Variants in ZNF623 observed in about 807,000 individuals in gnomAD.
ZNF623 encodes the protein zinc finger protein 623.
ZNF623 carries 16 observed loss-of-function variants against 24.0 expected under a neutral mutation model. That is an observed-to-expected ratio of 0.67 (90% CI 0.45 to 1.01). ZNF623 has a LOEUF of 1.01. Ranked by LOEUF, ZNF623 falls within the 50% of genes least tolerant of loss-of-function variation. ZNF623 has a pLI of 0.00. For missense variants in ZNF623, 566 were observed against 606.5 expected, an observed-to-expected ratio of 0.93 and a Z score of 0.70; for synonymous variants, 224 against 219.8, an observed-to-expected ratio of 1.02 and a Z score of -0.17.
At chr8:143,648,699 G>C (rs1815226076) in intron 1 of ZNF623, among the ~76,000 whole-genome samples, 2 of 152,188 alleles carry the variant, frequency 1.3e-5, no homozygotes, top group South Asian at 4.1e-4. Context: ...AAGTGGAAGT[G>C]TTGCCTTTAA....
chr8:143,649,805 C>T (rs1007285286), intron 1 of ZNF623, 93 bp from the exon 2 acceptor site: 9 of 1,494,178 alleles, frequency 6.0e-6, no homozygotes, highest in Middle Eastern at 2.0e-4. Flanking sequence ...AAACACTTTC[C>T]ACCTCTTGGA....
chr8:143,646,366 A>G (rs1180598523), intron 1 of ZNF623, among the ~76,000 whole-genome samples: 1 of 152,146 alleles, frequency 6.6e-6, no homozygotes, highest in African/African-American at 2.4e-5. Context: ...TGAGTGTATT[A>G]TGTATGCATG....
At chr8:143,646,282 GTCC>G (rs1815174187) in intron 1 of ZNF623, among the ~76,000 whole-genome samples, 2 of 152,118 alleles carry the variant, frequency 1.3e-5, no homozygotes, top group South Asian at 4.1e-4. Context: ...GCCTCAAGTA[GTCC>G]TCCTGCTTTG....
chr8:143,648,083 AG>A, intron 1 of ZNF623, among the ~76,000 whole-genome samples: 2 of 152,320 alleles, frequency 1.3e-5, no homozygotes, highest in Middle Eastern at 3.4e-3. Context: ...GGAGCTGGTC[AG>A]GTGTTGGGGC....
chr8:143,644,145 C>T (rs1021008493), intron 1 of ZNF623, among the ~76,000 whole-genome samples: 10 of 152,248 alleles, frequency 6.6e-5, no homozygotes, highest in South Asian at 2.1e-4. Flanking sequence ...CTCAGCCTCC[C>T]GAGTAGCTGG....
intron 1 of ZNF623, among the ~76,000 whole-genome samples, chr8:143,639,097 G>T (rs1401224646): frequency 5.3e-5 from 8 of 152,070 alleles, no homozygotes; most frequent in South Asian, 2.1e-4. Context: ...TTACCATGTT[G>T]GCCAGGCTGG....
intron 1 of ZNF623, among the ~76,000 whole-genome samples, chr8:143,644,704 A>G (rs2131446284): frequency 6.6e-6 from 1 of 151,880 alleles, no homozygotes; most frequent in Middle Eastern, 3.4e-3. Flanking sequence ...AGCCTGGCCA[A>G]TATGGAGAAG....
rs2131434716 is a variant in ZNF623 at position 143,636,146 on chromosome 8, G to A, written c.-96+1G>A. On this transcript the variant is annotated splice_donor_variant, in intron 1 of 1. Coordinates refer to ENST00000526926, the MANE Select transcript of ZNF623 (RefSeq NM_001261843.2). LOFTEE classifies it low-confidence loss of function (5UTR_SPLICE). ...GCCGTCCTCTCCCCGCCCGCGCCGGGTGAGTGGCGCGTTCCGGACGGGGGC... is the reference window on the plus strand; with the variant it reads ...GCCGTCCTCTCCCCGCCCGCGCCGGATGAGTGGCGCGTTCCGGACGGGGGC... 6.6e-6 allele frequency: 1 copy of A among 152,218 alleles called. No homozygotes were observed. Among genetic ancestry groups the A allele is most frequent in the South Asian group, 2.1e-4 (1 of 4,832 alleles). The allele number at this position is 152,218 out of a possible 1,614,324, so 9.4% of individuals were successfully genotyped here.
Position 143,651,955 on chromosome 8 carries a change from G to A in ZNF623, c.*472G>A, listed in dbSNP as rs1220058246. The A allele has an allele frequency of 5.9e-6, 1 of 169,612 alleles. No homozygotes were observed. The highest frequency in any genetic ancestry group is 1.4e-5 in the Non-Finnish European group (1 of 69,850). 10.5% of individuals were successfully genotyped at this position (169,612 alleles called of 1,614,324 possible). ...GGAGGAACTCCAGGCCTCCCATCGT[G>A]TGCCCTAAGGCCTCCTGCGTCCTGG... On this transcript the variant is annotated 3_prime_UTR_variant, in exon 2 of 2. Coordinates refer to ENST00000526926, the MANE Select transcript of ZNF623 (RefSeq NM_001261843.2).
intron 1 of ZNF623, among the ~76,000 whole-genome samples, chr8:143,649,290 AC>A (rs1815240447): frequency 9.6e-5 from 14 of 146,392 alleles, no homozygotes; most frequent in Middle Eastern, 3.4e-3. Flanking sequence ...AAAAAAAAAA[AC>A]AAAAACAAAC....
At chr8:143,649,774 G>T in intron 1 of ZNF623, 124 bp from the exon 2 acceptor site, 1 of 1,236,720 alleles carries the variant, frequency 8.1e-7, no homozygotes, top group East Asian at 2.5e-5. Context: ...CAGCATGTTG[G>T]GTCAGGATGA....
chr8:143,648,490 G>A (rs979936634), intron 1 of ZNF623, among the ~76,000 whole-genome samples: 8 of 152,046 alleles, frequency 5.3e-5, no homozygotes, highest in Admixed American at 6.5e-5. Context: ...ATGGGGCTGC[G>A]GAGGAGGAGA....
Position 143,653,477 on chromosome 8 carries a change from T to A in ZNF623, c.*1994T>A, listed in dbSNP as rs966036870. ...ACGCCTATTTAAGTGTACAAGGTTT[T>A]GAAAAATCTATACACCTGTGTAACC... On this transcript the variant is annotated 3_prime_UTR_variant, in exon 2 of 2. Coordinates refer to ENST00000526926, the MANE Select transcript of ZNF623 (RefSeq NM_001261843.2). The A allele has an allele frequency of 6.0e-6, 1 of 167,102 alleles. No homozygotes were observed. The highest frequency in any genetic ancestry group is 1.5e-5 in the Non-Finnish European group (1 of 68,126). 10.4% of individuals were successfully genotyped at this position (167,102 alleles called of 1,614,324 possible). A position where few individuals can be genotyped will look rare whatever the true frequency, so the allele number is the denominator to read the frequency against.
chr8:143,647,156 T>TG (rs1396924795), intron 1 of ZNF623, among the ~76,000 whole-genome samples: 7 of 137,136 alleles, frequency 5.1e-5, no homozygotes, highest in South Asian at 2.3e-4. Context: ...TGTTTTTTTT[T>TG]TTTTTGTTTT....
chr8:143,640,042 C>CA (rs1256105890), intron 1 of ZNF623, among the ~76,000 whole-genome samples: 1 of 152,176 alleles, frequency 6.6e-6, no homozygotes, highest in Non-Finnish European at 1.5e-5. Flanking sequence ...ATTGGCTACC[C>CA]AAGTGTCCAG....
chr8:143,647,364 G>A (rs1815200112), intron 1 of ZNF623, among the ~76,000 whole-genome samples: 1 of 152,024 alleles, frequency 6.6e-6, no homozygotes, highest in Non-Finnish European at 1.5e-5. Flanking sequence ...GGGTTTCAGT[G>A]TGTTAGCCAG....
chr8:143,648,194 G>A (rs991271762), intron 1 of ZNF623, among the ~76,000 whole-genome samples: 2 of 152,238 alleles, frequency 1.3e-5, no homozygotes, highest in African/African-American at 4.8e-5. Context: ...GGACAGAGAT[G>A]AGGGCTGAGC....
intron 1 of ZNF623, 82 bp downstream of exon 1, chr8:143,636,227 G>C (rs1814915800): frequency 6.6e-6 from 1 of 152,098 alleles, no homozygotes. Flanking sequence ...GCCTTGCCAG[G>C]GCACAGTCCG....
At chr8:143,639,475 A>G (rs1815001734) in intron 1 of ZNF623, among the ~76,000 whole-genome samples, 1 of 151,708 alleles carries the variant, frequency 6.6e-6, no homozygotes, top group Admixed American at 6.6e-5. Flanking sequence ...GTGCCTGCCT[A>G]GGCCTCCCAG....
Sources: allele counts gnomAD v4.1 joint callset (sites outside exome capture counted in the v4.1 genomes callset), GRCh38; gene constraint gnomAD v4.1.1; transcripts MANE v1.5; gene names NCBI Gene and HGNC (gene_info 2026-07-23, HGNC 2026-07-21).